Variants in RBFOX1 observed in about 807,000 individuals in gnomAD.
The protein encoded by RBFOX1 is RNA binding fox-1 homolog 1, also known as RNA binding protein fox-1 homolog 1.
In RBFOX1, 8 loss-of-function variants were observed where a neutral mutation model predicts 57.7. That is an observed-to-expected ratio of 0.14 (90% CI 0.08 to 0.25). RBFOX1 has a LOEUF of 0.25. Among genes scored for constraint, RBFOX1 ranks in the 10% least tolerant of loss-of-function variants. RBFOX1 has a pLI of 1.00. For missense variants in RBFOX1, 611 were observed against 548.5 expected (o/e 1.11, Z -1.14); for synonymous variants, 326 against 222.4 (o/e 1.47, Z -4.15).
intron 3 of RBFOX1, among the ~76,000 whole-genome samples, chr16:5,651,628 C>G (rs181812753): frequency 6.6e-6 from 1 of 152,170 alleles, no homozygotes; most frequent in African/African-American, 2.4e-5. Context: ...CTTTCCCCAA[C>G]CCTCCATCAG....
At chr16:5,604,506 T>C (rs1322652763), downstream of RBFOX1, among the ~76,000 whole-genome samples, 1 of 152,232 alleles carries the variant, frequency 6.6e-6, no homozygotes, top group African/African-American at 2.4e-5. Flanking sequence ...CAGTTTACAA[T>C]GTGACAGTGT....
chr16:7,054,904 A>G (rs1232615171), intron 4 of RBFOX1, among the ~76,000 whole-genome samples: 2 of 152,188 alleles, frequency 1.3e-5, no homozygotes, highest in Non-Finnish European at 2.9e-5. Context: ...TCCTGGAAAT[A>G]GCAGATGATT....
At chr16:6,210,329 C>CA (rs1323182069) in intron 1 of RBFOX1, among the ~76,000 whole-genome samples, 6 of 16,378 alleles carry the variant, frequency 3.7e-4, no homozygotes, top group Non-Finnish European at 4.9e-4. Flanking sequence ...AAAAAAAAAA[C>CA]AAAAAAACAA....
chr16:7,696,754 G>A (rs759190189), intron 14 of RBFOX1, among the ~76,000 whole-genome samples: 4 of 152,158 alleles, frequency 2.6e-5, no homozygotes, highest in Admixed American at 1.3e-4. Flanking sequence ...AAAAGCAGGG[G>A]AGGGGATGGA....
At chr16:6,673,046 A>T (rs560013448) in intron 3 of RBFOX1, among the ~76,000 whole-genome samples, 17 of 152,212 alleles carry the variant, frequency 1.1e-4, no homozygotes, top group Non-Finnish European at 2.4e-4. Context: ...AGCTCCCTGA[A>T]GAAAAACCAC....
intron 3 of RBFOX1, among the ~76,000 whole-genome samples, chr16:6,916,758 C>T (rs1037125809): frequency 6.6e-6 from 1 of 152,140 alleles, no homozygotes; most frequent in African/African-American, 2.4e-5. Context: ...TTTTTTCTAC[C>T]ACCCACTTAA....
intron 3 of RBFOX1, among the ~76,000 whole-genome samples, chr16:6,879,021 C>G (rs974782485): frequency 2.6e-4 from 40 of 152,246 alleles, no homozygotes; most frequent in African/African-American, 8.7e-4. Context: ...GCCCAGATTA[C>G]TAAACCATTT....
chr16:5,790,901 C>T lies in RBFOX1; in HGVS notation c.319-76402C>T, dbSNP rs185280853. The stretch of plus-strand genomic sequence containing the variant: ...TTTTTTTTTTTGAGACATGATTTCA[C>T]TCTGTTGCTCAGGCTGGAGTGCAGT... On this transcript the variant is annotated intron_variant, in intron 3 of 19. Coordinates refer to the RBFOX1 transcript ENST00000641259. 6.6e-4 allele frequency among the ~76,000 whole-genome samples: 97 copies of T among 146,850 alleles called. 2 individuals are homozygous for T. The East Asian group carries it at 0.017, about 26-fold the overall frequency.
At chr16:6,482,950 A>G (rs76610731) in intron 2 of RBFOX1, among the ~76,000 whole-genome samples, 9,475 of 152,260 alleles carry the variant, frequency 0.062, 964 homozygotes, top group African/African-American at 0.21. Flanking sequence ...GGACTCAGGG[A>G]ACCGTGCAAG....
intron 2 of RBFOX1, among the ~76,000 whole-genome samples, chr16:5,472,133 C>T (rs1022891293): frequency 6.6e-6 from 1 of 152,096 alleles, no homozygotes; most frequent in East Asian, 1.9e-4. Flanking sequence ...ATCTTATTAT[C>T]ACGGCTCTCT....
intron 3 of RBFOX1, among the ~76,000 whole-genome samples, chr16:6,873,101 AC>A (rs1293890724): frequency 2.0e-5 from 3 of 151,788 alleles, no homozygotes; most frequent in Admixed American, 6.6e-5. Context: ...TGTATTTCTT[AC>A]TTGAGAAACT....
chr16:6,840,406 G>A (rs574134439), intron 3 of RBFOX1, among the ~76,000 whole-genome samples: 3 of 152,124 alleles, frequency 2.0e-5, no homozygotes, highest in African/African-American at 7.2e-5. Context: ...TTCATTAAAT[G>A]TTGAGTATGA....
At chr16:5,735,649 C>A (rs541933902) in intron 3 of RBFOX1, among the ~76,000 whole-genome samples, 2 of 152,154 alleles carry the variant, frequency 1.3e-5, no homozygotes, top group South Asian at 2.1e-4. Flanking sequence ...ATAATCTCAG[C>A]GCTTTGGGAG....
Position 6,779,763 on chromosome 16 carries a change from T to TTATATA in RBFOX1, c.-16+125119_-16+125124dup, listed in dbSNP as rs1169157385. The stretch of plus-strand genomic sequence containing the variant: ...TATTTTTATATATACTTTTATATAT[T>TTATATA]TATATATATATTTATATATATTTTT... On this transcript the variant is annotated intron_variant, in intron 3 of 15. Transcript: ENST00000550418. Among the ~76,000 whole-genome samples, 3 of 11,804 alleles carry TTATATA rather than the reference T, an allele frequency of 2.5e-4. 1 individual carries two copies. The highest frequency in any genetic ancestry group is 3.5e-4 in the Non-Finnish European group (2 of 5,720). The allele number at this position is 11,804 out of a possible 152,430, so 7.7% of individuals were successfully genotyped here. A position where few individuals can be genotyped will look rare whatever the true frequency, so the allele number is the denominator to read the frequency against.
chr16:7,539,809 C>G (rs1368537122), intron 5 of RBFOX1, among the ~76,000 whole-genome samples: 1 of 152,120 alleles, frequency 6.6e-6, no homozygotes, highest in African/African-American at 2.4e-5. Flanking sequence ...AGAGAGGAGT[C>G]ATTATCAGAA....
At chr16:7,330,185 G>T (rs1012207876) in intron 4 of RBFOX1, among the ~76,000 whole-genome samples, 2 of 152,028 alleles carry the variant, frequency 1.3e-5, no homozygotes, top group Non-Finnish European at 2.9e-5. Flanking sequence ...ACCAAAATCT[G>T]CAGATGCTCA....
chr16:5,968,161 A>G (rs2059887927), intron 4 of RBFOX1, among the ~76,000 whole-genome samples: 1 of 151,932 alleles, frequency 6.6e-6, no homozygotes, highest in Admixed American at 6.6e-5. Context: ...TGCAACCTCC[A>G]CCTCCTGGGT....
intron 2 of RBFOX1, among the ~76,000 whole-genome samples, chr16:6,377,800 G>A (rs2091360343): frequency 6.6e-6 from 1 of 152,170 alleles, no homozygotes; most frequent in African/African-American, 2.4e-5. Context: ...AGGCGGTAAT[G>A]GAGTGGTAGG....
At chr16:6,453,341 T>G (rs1433165087) in intron 2 of RBFOX1, among the ~76,000 whole-genome samples, 1 of 152,122 alleles carries the variant, frequency 6.6e-6, no homozygotes, top group African/African-American at 2.4e-5. Context: ...CAACTCGTAT[T>G]TATGAGTGAA....
Sources: gnomAD v4.1 joint callset for allele counts (sites outside exome capture counted in the v4.1 genomes callset) on GRCh38, gnomAD v4.1.1 for gene constraint, MANE v1.5 for transcripts, NCBI Gene and HGNC (gene_info 2026-07-23, HGNC 2026-07-21) for gene names.